GPC5: variants seen among roughly 807,000 people sequenced by gnomAD.
GPC5 encodes the protein glypican 5.
GPC5 carries 47 observed loss-of-function variants against 53.9 expected under a neutral mutation model. That is an observed-to-expected ratio of 0.87 (90% confidence interval 0.69 to 1.11). The LOEUF (loss-of-function observed/expected upper bound fraction) is 1.11. Among genes scored for constraint, GPC5 ranks in the 50% most tolerant of loss-of-function variants. The pLI is 0.00. For missense variants in GPC5, 748 were observed against 713.1 expected, an observed-to-expected ratio of 1.05 and a Z score of -0.56; for synonymous variants, 286 against 263.3, an observed-to-expected ratio of 1.09 and a Z score of -0.84.
At chr13:92,141,031 G>A (rs2041826831) in intron 6 of GPC5, among the ~76,000 whole-genome samples, 1 of 152,182 alleles carries the variant, frequency 6.6e-6, no homozygotes, top group Non-Finnish European at 1.5e-5. Flanking sequence ...GAGGAGGCAA[G>A]AGAGAGGAAG....
At chr13:92,613,342 TTA>T (rs1363349288) in intron 7 of GPC5, among the ~76,000 whole-genome samples, 1 of 101,748 alleles carries the variant, frequency 9.8e-6, no homozygotes, top group Non-Finnish European at 1.8e-5. Flanking sequence ...TATAATATAT[TTA>T]TATATAAATA....
chr13:92,364,657 G>A (rs1293493451), intron 7 of GPC5, among the ~76,000 whole-genome samples: 2 of 151,736 alleles, frequency 1.3e-5, no homozygotes, highest in Non-Finnish European at 2.9e-5. Context: ...GTGAACCCGG[G>A]AGGCGGAGCT....
chr13:92,467,798 G>GA (rs1384821791), intron 7 of GPC5, among the ~76,000 whole-genome samples: 1 of 151,780 alleles, frequency 6.6e-6, no homozygotes, highest in Non-Finnish European at 1.5e-5. Flanking sequence ...TTCCCTCCCC[G>GA]AAAAAACATT....
chr13:91,832,300 C>CT (rs55698516), intron 5 of GPC5, among the ~76,000 whole-genome samples: 6,440 of 122,898 alleles, frequency 0.052, 214 homozygotes, highest in Non-Finnish European at 0.065. Flanking sequence ...GCTTTTTTCT[C>CT]TTTTTTTTTT....
At chr13:91,486,801 C>T (rs1883631793) in intron 2 of GPC5, 1 of 152,200 alleles carries the variant, frequency 6.6e-6, no homozygotes, top group Non-Finnish European at 1.5e-5. Context: ...AATTCTTGGA[C>T]TCAGCGAGTT....
chr13:91,768,019 T>C (rs1257975625), intron 5 of GPC5, among the ~76,000 whole-genome samples: 1 of 152,198 alleles, frequency 6.6e-6, no homozygotes, highest in African/African-American at 2.4e-5. Flanking sequence ...AGCTATTCCC[T>C]TTTCAGTTAA....
At chr13:92,560,897 G>GTA (rs1168016376) in intron 7 of GPC5, among the ~76,000 whole-genome samples, 26 of 149,572 alleles carry the variant, frequency 1.7e-4, no homozygotes, top group African/African-American at 6.0e-4. Context: ...GTGTGTGTGT[G>GTA]TATACATATA....
chr13:92,273,546 A>C (rs567668207), intron 7 of GPC5, among the ~76,000 whole-genome samples: 1 of 152,132 alleles, frequency 6.6e-6, no homozygotes. Flanking sequence ...GCAAAAAAAA[A>C]CTAGGTATAA....
chr13:91,577,978 A>G (rs866311523), intron 2 of GPC5, among the ~76,000 whole-genome samples: 1 of 152,166 alleles, frequency 6.6e-6, no homozygotes, highest in South Asian at 2.1e-4. Context: ...ATAGTGTGTG[A>G]TTTCTGTGGC....
At chr13:91,715,508 A>C (rs764690261) in intron 3 of GPC5, among the ~76,000 whole-genome samples, 1 of 152,232 alleles carries the variant, frequency 6.6e-6, no homozygotes, top group African/African-American at 2.4e-5. Flanking sequence ...AACAAAATGT[A>C]AATACATGTG....
chr13:91,641,049 C>T (rs556470137), intron 2 of GPC5, among the ~76,000 whole-genome samples: 72 of 152,216 alleles, frequency 4.7e-4, no homozygotes, highest in African/African-American at 1.6e-3. Context: ...ACACTGCGGC[C>T]GGGTGCAGTG....
In GPC5 at chr13:91,767,024, A is replaced by G. The variant is rs866391656; in HGVS notation, c.1280+10604A>G. ...CATTTACTTCAATGGAAATGAAACT[A>G]TTGTATTGACATTTTCTCTTCATTG... On this transcript the variant is annotated intron_variant, in intron 5 of 7. Transcript: ENST00000377067. Among the ~76,000 whole-genome samples, 4 of 152,224 alleles carry G rather than the reference A, an allele frequency of 2.6e-5. No individual in the cohort carries two copies. In the South Asian group the frequency reaches 8.3e-4, roughly 31 times the overall value.
chr13:91,912,373 A>G (rs1731514827), intron 6 of GPC5, among the ~76,000 whole-genome samples: 1 of 152,162 alleles, frequency 6.6e-6, no homozygotes, highest in Admixed American at 6.5e-5. Context: ...ACAACAAAGA[A>G]TAATGAATGC....
At chr13:92,516,568 C>A (rs1880791615) in intron 7 of GPC5, among the ~76,000 whole-genome samples, 1 of 152,104 alleles carries the variant, frequency 6.6e-6, no homozygotes, top group Non-Finnish European at 1.5e-5. Flanking sequence ...GGAAGGTGTT[C>A]TGTAAAGCTG....
At chr13:92,275,608 A>AT (rs2042869853) in intron 7 of GPC5, among the ~76,000 whole-genome samples, 1 of 152,238 alleles carries the variant, frequency 6.6e-6, no homozygotes, top group Admixed American at 6.5e-5. Context: ...ACATCTGAAC[A>AT]TTTCTTTCAC....
At chr13:92,335,989 C>T (rs1323504459) in intron 7 of GPC5, among the ~76,000 whole-genome samples, 2 of 152,196 alleles carry the variant, frequency 1.3e-5, no homozygotes, top group Non-Finnish European at 2.9e-5. Context: ...CCAACTTCTT[C>T]CTGTTACTCT....
intron 6 of GPC5, among the ~76,000 whole-genome samples, chr13:92,008,088 A>C (rs1446329852): frequency 1.7e-5 from 2 of 120,838 alleles, no homozygotes; most frequent in African/African-American, 3.1e-5. Flanking sequence ...TTTGAGACGG[A>C]GTCTCGCTCT....
intron 7 of GPC5, among the ~76,000 whole-genome samples, chr13:92,411,684 C>G (rs1187518452): frequency 1.3e-5 from 2 of 152,026 alleles, no homozygotes; most frequent in Non-Finnish European, 2.9e-5. Flanking sequence ...AATGTTTTTT[C>G]AGTTTGTGAT....
chr13:92,493,369 AACT>A (rs1879839611), intron 7 of GPC5, among the ~76,000 whole-genome samples: 1 of 152,182 alleles, frequency 6.6e-6, no homozygotes, highest in Non-Finnish European at 1.5e-5. Flanking sequence ...CTTTTTTAAA[AACT>A]ACTGTGAAGT....
Sources: gnomAD v4.1 joint callset for allele counts (sites outside exome capture counted in the v4.1 genomes callset) on GRCh38, gnomAD v4.1.1 for gene constraint, MANE v1.5 for transcripts, NCBI Gene and HGNC (gene_info 2026-07-23, HGNC 2026-07-21) for gene names.